The following ITPR2 variants were observed in gnomAD, a reference collection of about 807,000 sequenced individuals.
ITPR2 encodes the protein inositol 1,4,5-trisphosphate-gated calcium channel ITPR2.
ITPR2 carries 207 observed loss-of-function variants against 317.1 expected under a neutral mutation model. The observed-to-expected ratio is 0.65, with a 90% confidence interval of 0.58 to 0.73. The LOEUF (loss-of-function observed/expected upper bound fraction) is 0.73. Among genes scored for constraint, ITPR2 ranks in the 30% least tolerant of loss-of-function variants. The pLI, the probability that ITPR2 is intolerant of heterozygous loss-of-function variation, is 0.00. For missense variants in ITPR2, 2,613 were observed against 3,284.0 expected (o/e 0.80, Z 4.99); for synonymous variants, 1,156 against 1,149.1 (o/e 1.01, Z -0.12).
intron 41 of ITPR2, among the ~76,000 whole-genome samples, chr12:26,484,619 C>T (rs1591820930): frequency 6.6e-6 from 1 of 152,110 alleles, no homozygotes; most frequent in African/African-American, 2.4e-5. Flanking sequence ...TTAGGTACTT[C>T]AACATGTACC....
chr12:26,419,275 AACT>A, intron 49 of ITPR2, 62 bp from the exon 50 acceptor site: 1 of 1,463,746 alleles, frequency 6.8e-7, no homozygotes, highest in East Asian at 2.3e-5. Flanking sequence ...CATGGATGAA[AACT>A]ACTATTCATA....
chr12:26,553,543 T>C (rs1591891496), intron 36 of ITPR2, among the ~76,000 whole-genome samples: 1 of 151,018 alleles, frequency 6.6e-6, no homozygotes, highest in Admixed American at 6.6e-5. Context: ...TCCCAGCACT[T>C]TGGGAGGCCG....
At chr12:26,401,864 A>AT (rs1344209494) in intron 52 of ITPR2, among the ~76,000 whole-genome samples, 1 of 152,244 alleles carries the variant, frequency 6.6e-6, no homozygotes, top group Admixed American at 6.5e-5. Context: ...TTCCTTTTAA[A>AT]ACATGCTGGG....
At chr12:26,785,355 C>T (rs1950210472) in intron 2 of ITPR2, among the ~76,000 whole-genome samples, 1 of 44,356 alleles carries the variant, frequency 2.3e-5, no homozygotes, top group African/African-American at 5.5e-5. Flanking sequence ...GTGAGGGGCG[C>T]CTCTGCCCGG....
At chr12:26,360,520 A>G (rs749259684) in intron 55 of ITPR2, among the ~76,000 whole-genome samples, 7 of 152,238 alleles carry the variant, frequency 4.6e-5, no homozygotes, top group Non-Finnish European at 8.8e-5. Context: ...AGGTGTCTAC[A>G]GCTTGGCCCA....
chr12:26,600,178 T>G, intron 28 of ITPR2, 69 bp from the exon 29 acceptor site: 6 of 1,378,796 alleles, frequency 4.4e-6, no homozygotes, highest in South Asian at 1.3e-5. Context: ...CAAAAATCTC[T>G]CCTTCACCCA....
chr12:26,519,969 T>A (rs1943620572), intron 37 of ITPR2, among the ~76,000 whole-genome samples: 1 of 152,046 alleles, frequency 6.6e-6, no homozygotes, highest in Admixed American at 6.6e-5. Flanking sequence ...TCTGAAAACA[T>A]ACATAAGAAA....
chr12:26,832,692 C>T lies in ITPR2; in HGVS notation c.90G>A (p.Leu30=), dbSNP rs774540531. The T allele has an allele frequency of 6.3e-6, 10 of 1,595,438 alleles. No homozygotes were observed. The highest frequency in any genetic ancestry group is 8.5e-6 in the Non-Finnish European group (10 of 1,171,710). The change falls in exon 1 of 57, where the codon TTG becomes TTA. Residue 30 remains leucine (L), a splice_region_variant and synonymous_variant. Coordinates refer to ENST00000381340, the MANE Select transcript of ITPR2 (RefSeq NM_002223.4). ...CCCAGCCCTCGTCTCCCGCTTACCC[C>T]AAGGTGCTGATGAAGCCGTTGACCG... is the stretch of plus-strand genomic sequence containing the variant. ...EGSVNGFIST[L]GLVDDRCVVH...
intron 40 of ITPR2, 146 bp downstream of exon 40, chr12:26,486,922 A>C: frequency 2.3e-6 from 2 of 853,496 alleles, no homozygotes; most frequent in Non-Finnish European, 2.0e-6. Context: ...GGGTCACCCC[A>C]TGACCAAAAT....
intron 49 of ITPR2, among the ~76,000 whole-genome samples, chr12:26,420,686 T>G (rs1211302778): frequency 1.3e-5 from 2 of 152,206 alleles, no homozygotes; most frequent in Non-Finnish European, 2.9e-5. Context: ...CAATATCTTA[T>G]GCTATTATTA....
intron 9 of ITPR2, among the ~76,000 whole-genome samples, chr12:26,697,866 G>C (rs886201590): frequency 6.6e-6 from 1 of 151,554 alleles, no homozygotes; most frequent in African/African-American, 2.4e-5. Flanking sequence ...GAGAAGTTAT[G>C]GAATTTCTTC....
chr12:26,630,142 T>C (rs1410941001), intron 22 of ITPR2, among the ~76,000 whole-genome samples: 1 of 152,122 alleles, frequency 6.6e-6, no homozygotes, highest in Non-Finnish European at 1.5e-5. Context: ...ATGCTTCACA[T>C]GGAAGGGTGT....
At chr12:26,434,465 C>T (rs910456495) in intron 48 of ITPR2, among the ~76,000 whole-genome samples, 8 of 152,004 alleles carry the variant, frequency 5.3e-5, no homozygotes, top group African/African-American at 1.7e-4. Flanking sequence ...GAGCAACTGC[C>T]CAGAGGGGTG....
chr12:26,479,698 C>T (rs1044478687), intron 43 of ITPR2, among the ~76,000 whole-genome samples: 3 of 152,108 alleles, frequency 2.0e-5, no homozygotes, highest in Non-Finnish European at 4.4e-5. Flanking sequence ...ATCGTCTTTG[C>T]TAATCTATGA....
At chr12:26,439,737 G>A (rs1472613259) in intron 46 of ITPR2, among the ~76,000 whole-genome samples, 1 of 152,154 alleles carries the variant, frequency 6.6e-6, no homozygotes, top group East Asian at 1.9e-4. Flanking sequence ...AAAAGGGGCT[G>A]CCAGGTAACA....
intron 37 of ITPR2, among the ~76,000 whole-genome samples, chr12:26,535,683 G>A (rs1161283578): frequency 6.6e-6 from 1 of 152,134 alleles, no homozygotes; most frequent in Admixed American, 6.5e-5. Flanking sequence ...AATAAATTTA[G>A]TTGAGCAAAA....
rs1362242810 is a variant in ITPR2, at chr12:26,335,957, C to T, written c.*3440G>A. 3 of 152,116 alleles carry T rather than the reference C, an allele frequency of 2.0e-5. No individual in the cohort carries two copies. The highest frequency in any genetic ancestry group is 4.4e-5 in the Non-Finnish European group (3 of 68,034). 9.4% of individuals were successfully genotyped at this position (152,116 alleles called of 1,614,324 possible). A position where few individuals can be genotyped will look rare whatever the true frequency, so the allele number is the denominator to read the frequency against. ...TGTTATTCAGGATGGCTTTAACAGC[C>T]GCTGGAAGGAACACACCATCTTATG... On this transcript the variant is annotated 3_prime_UTR_variant, in exon 57 of 57. Coordinates refer to ENST00000381340, the MANE Select transcript of ITPR2 (RefSeq NM_002223.4).
At position 26,335,840 on chromosome 12, in the gene ITPR2, T is replaced by C. The variant is rs1937898811; in HGVS notation, c.*3557A>G. On this transcript the variant is annotated 3_prime_UTR_variant, in exon 57 of 57. Coordinates refer to ENST00000381340, the MANE Select transcript of ITPR2 (RefSeq NM_002223.4). Reference sequence around the variant, plus strand: ...CTTGCCAAGCTCCTGCAGGCATCTGTGTTTGTGCTGAAGATGTCTGTCTCC... The same window carrying C: ...CTTGCCAAGCTCCTGCAGGCATCTGCGTTTGTGCTGAAGATGTCTGTCTCC... 6.6e-6 allele frequency: 1 copy of C among 152,188 alleles called. No homozygotes were observed. The highest frequency in any genetic ancestry group is 2.4e-5 in the African/African-American group (1 of 41,434). The allele number at this position is 152,188 out of a possible 1,614,324, so 9.4% of individuals were successfully genotyped here. A position where few individuals can be genotyped will look rare whatever the true frequency, so the allele number is the denominator to read the frequency against.
chr12:26,362,165 C>T (rs924184247), intron 55 of ITPR2, among the ~76,000 whole-genome samples: 3 of 152,144 alleles, frequency 2.0e-5, no homozygotes, highest in South Asian at 2.1e-4. Flanking sequence ...GCTAAAGCTC[C>T]GTTAAGCAGG....
Sources: gnomAD v4.1 joint callset for allele counts (sites outside exome capture counted in the v4.1 genomes callset) on GRCh38, gnomAD v4.1.1 for gene constraint, MANE v1.5 for transcripts, NCBI Gene and HGNC (gene_info 2026-07-23, HGNC 2026-07-21) for gene names.